Variants in GRM5 observed in about 807,000 individuals in gnomAD.
GRM5 encodes the protein glutamate metabotropic receptor 5, also known as metabotropic glutamate receptor 5.
GRM5 carries 19 observed loss-of-function variants against 83.1 expected under a neutral mutation model. That is an observed-to-expected ratio of 0.23 (90% confidence interval 0.16 to 0.34). The LOEUF (loss-of-function observed/expected upper bound fraction) is 0.34. GRM5 is among the 10% of genes least tolerant of loss of function. The pLI, the probability that GRM5 is intolerant of heterozygous loss-of-function variation, is 1.00. For missense variants in GRM5, 1,160 were observed against 1,588.3 expected, an observed-to-expected ratio of 0.73 and a Z score of 4.58; for synonymous variants, 675 against 633.6, an observed-to-expected ratio of 1.07 and a Z score of -0.98.
intron 1 of GRM5, among the ~76,000 whole-genome samples, chr11:89,058,120 C>T (rs945431316): frequency 2.0e-5 from 3 of 152,200 alleles, no homozygotes; most frequent in African/African-American, 7.2e-5. Flanking sequence ...AAACCTCATG[C>T]ATTGATTGCA....
chr11:88,761,187 G>C (rs961382208), intron 3 of GRM5, among the ~76,000 whole-genome samples: 1 of 152,054 alleles, frequency 6.6e-6, no homozygotes, highest in Non-Finnish European at 1.5e-5. Context: ...CATAGTATTC[G>C]AAGTCCTGGC....
chr11:88,820,407 G>A (rs1268308050), intron 3 of GRM5, among the ~76,000 whole-genome samples: 1 of 142,100 alleles, frequency 7.0e-6, no homozygotes, highest in African/African-American at 2.7e-5. Flanking sequence ...AATATAATCA[G>A]TAATATCAGT....
At chr11:88,889,609 G>A (rs867555158) in intron 2 of GRM5, among the ~76,000 whole-genome samples, 16 of 152,156 alleles carry the variant, frequency 1.1e-4, no homozygotes, top group African/African-American at 2.7e-4. Context: ...GTTAAAGAGT[G>A]CTCAGCTTAA....
rs149267365 is a variant in GRM5, at chr11:88,928,902, G to GTATATATATATATA, written c.662-78748_662-78747insTATATATATATATA. ...TATTGGTTTGTACCTATGTGTATGT[G>GTATATATATATATA]TATATACACACACACACACACACAC... is the stretch of plus-strand genomic sequence containing the variant. On this transcript the variant is annotated intron_variant, in intron 2 of 9. Coordinates refer to ENST00000305447, the MANE Select transcript of GRM5 (RefSeq NM_001143831.3). Among the ~76,000 whole-genome samples the GTATATATATATATA allele has an allele frequency of 5.4e-3, 325 of 60,312 alleles. 3 individuals are homozygous for GTATATATATATATA. The highest frequency in any genetic ancestry group is 0.011 in the African/African-American group (293 of 27,016). The allele number at this position is 60,312 out of a possible 152,430, so 39.6% of individuals were successfully genotyped here.
At position 88,890,027 on chromosome 11, in the gene GRM5, A is replaced by G. The variant is rs527500375; in HGVS notation, c.662-39872T>C. 2.0e-5 allele frequency among the ~76,000 whole-genome samples: 3 copies of G among 152,282 alleles called. No homozygotes were observed. In the South Asian group the frequency reaches 6.2e-4, roughly 32 times the overall value. ...TAGGAGAGAGCTTTGATGTGTAATAAGTAGGCAGGAAATACACTTTAAGGG... is the reference window on the plus strand; with the variant it reads ...TAGGAGAGAGCTTTGATGTGTAATAGGTAGGCAGGAAATACACTTTAAGGG... On this transcript the variant is annotated intron_variant, in intron 2 of 9. Coordinates refer to ENST00000305447, the MANE Select transcript of GRM5 (RefSeq NM_001143831.3).
At chr11:88,607,363 T>C (rs1158698256) in intron 4 of GRM5, among the ~76,000 whole-genome samples, 1 of 152,208 alleles carries the variant, frequency 6.6e-6, no homozygotes, top group African/African-American at 2.4e-5. Context: ...TCTTCAAAAT[T>C]TATCTGGAAT....
chr11:88,727,587 C>T (rs545189205), intron 3 of GRM5, among the ~76,000 whole-genome samples: 1 of 152,180 alleles, frequency 6.6e-6, no homozygotes, highest in Non-Finnish European at 1.5e-5. Flanking sequence ...AATATACATT[C>T]TTCTCAGCAC....
chr11:88,941,273 C>A (rs1647564068), intron 2 of GRM5, among the ~76,000 whole-genome samples: 1 of 150,810 alleles, frequency 6.6e-6, no homozygotes, highest in Admixed American at 6.7e-5. Context: ...TAAAGGCGAC[C>A]CCATTAACAA....
At chr11:88,596,187 G>A (rs7941332) in intron 6 of GRM5, among the ~76,000 whole-genome samples, 6,678 of 152,106 alleles carry the variant, frequency 0.044, 280 homozygotes, top group African/African-American at 0.11. Flanking sequence ...TCCACAACTC[G>A]GCATCAAATT....
intron 2 of GRM5, among the ~76,000 whole-genome samples, chr11:89,001,274 G>A (rs781388153): frequency 6.6e-6 from 1 of 151,992 alleles, no homozygotes; most frequent in Non-Finnish European, 1.5e-5. Flanking sequence ...GTGCTAGAAT[G>A]TTCACAGCAG....
intron 8 of GRM5, among the ~76,000 whole-genome samples, chr11:88,528,716 T>C (rs1941939323): frequency 6.6e-6 from 1 of 152,090 alleles, no homozygotes; most frequent in East Asian, 1.9e-4. Flanking sequence ...TTTAATTTAC[T>C]ATATTTATAT....
At chr11:88,964,661 A>G (rs1355348990) in intron 2 of GRM5, among the ~76,000 whole-genome samples, 1 of 152,168 alleles carries the variant, frequency 6.6e-6, no homozygotes, top group East Asian at 1.9e-4. Context: ...AGCACAATAC[A>G]TATCAAAAGT....
chr11:88,664,772 G>T (rs7479464), intron 3 of GRM5, among the ~76,000 whole-genome samples: 83,194 of 151,834 alleles, frequency 0.55, 27,146 homozygotes, highest in South Asian at 0.81. Context: ...ATTGTATTAG[G>T]TATTATAAGT....
intron 3 of GRM5, among the ~76,000 whole-genome samples, chr11:88,658,856 AGTG>A (rs59160041): frequency 0.01 from 1,523 of 152,268 alleles, 15 homozygotes; most frequent in East Asian, 0.066. Context: ...ATCAGTTGTG[AGTG>A]TTCTTTTGTG....
chr11:88,773,862 A>G (rs4500491), intron 3 of GRM5, among the ~76,000 whole-genome samples: 97,378 of 151,972 alleles, frequency 0.64, 31,967 homozygotes, highest in Non-Finnish European at 0.73. Flanking sequence ...TAGCCTTGTA[A>G]TATACTTTGA....
intron 8 of GRM5, among the ~76,000 whole-genome samples, chr11:88,563,677 C>T (rs1942807712): frequency 1.3e-5 from 2 of 152,070 alleles, no homozygotes; most frequent in South Asian, 2.1e-4. Context: ...GAGATGGGCT[C>T]AATAGCATAT....
intron 4 of GRM5, among the ~76,000 whole-genome samples, chr11:88,633,233 C>A (rs1939028005): frequency 6.6e-6 from 1 of 152,058 alleles, no homozygotes; most frequent in Middle Eastern, 3.2e-3. Flanking sequence ...ATTTTAAAAA[C>A]TGCATTGTTA....
chr11:88,972,683 G>A (rs1939203875), intron 2 of GRM5, among the ~76,000 whole-genome samples: 1 of 152,124 alleles, frequency 6.6e-6, no homozygotes, highest in South Asian at 2.1e-4. Flanking sequence ...CAAATCTGGT[G>A]TGTAAAAGAC....
At chr11:89,034,238 T>C (rs951462786) in intron 2 of GRM5, among the ~76,000 whole-genome samples, 1 of 151,870 alleles carries the variant, frequency 6.6e-6, no homozygotes, top group East Asian at 1.9e-4. Flanking sequence ...AGACTTCGTA[T>C]CTCAAAGGGA....
Sources: allele counts gnomAD v4.1 joint callset (sites outside exome capture counted in the v4.1 genomes callset), GRCh38; gene constraint gnomAD v4.1.1; transcripts MANE v1.5; gene names NCBI Gene and HGNC (gene_info 2026-07-23, HGNC 2026-07-21).